GNPAT: variants seen among roughly 807,000 people sequenced by gnomAD.
GNPAT encodes glyceronephosphate O-acyltransferase, also known as dihydroxyacetone phosphate acyltransferase.
Under a neutral mutation model 78.4 loss-of-function variants are expected in GNPAT, and 30 were observed. The ratio of observed to expected loss-of-function variants is 0.38; its 90% CI spans 0.29 to 0.52. The LOEUF (loss-of-function observed/expected upper bound fraction) is 0.52, where lower values mean the gene tolerates loss of function less well. GNPAT is among the 20% of genes least tolerant of loss of function. GNPAT has a pLI of 0.84. For synonymous variants in GNPAT, 271 were observed against 281.1 expected (o/e 0.96, Z 0.36); for missense variants, 714 against 812.2 (o/e 0.88, Z 1.47).
At chr1:231,272,470 C>T in intron 11 of GNPAT, 79 bp downstream of exon 11, 1 of 810,642 alleles carries the variant, frequency 1.2e-6, no homozygotes, top group Non-Finnish European at 2.2e-6. Context: ...ACAGATGTGT[C>T]TCAGGCAGTG....
Position 231,277,538 on chromosome 1 carries a change from T to C in GNPAT, c.2039T>C (p.Leu680Pro). The change falls in exon 16 of 16, where the codon CTT becomes CCT. Residue 680 changes from leucine to proline, a missense_variant. By Grantham distance (98) the Leu-to-Pro change is moderately conservative. Transcript: ENST00000366647. ...ATAGGAAAACCAGCCACTGCAAAACTTTAATAATCAACAAATAGTTATGGA... is the reference window on the plus strand; with the variant it reads ...ATAGGAAAACCAGCCACTGCAAAACCTTAATAATCAACAAATAGTTATGGA... ...TPIGKPATAK[L>P] is the part of the protein sequence containing the mutation. The C allele has an allele frequency of 6.4e-7, 1 of 1,568,990 alleles. No individual in the cohort carries two copies. Among genetic ancestry groups the C allele is most frequent in the Middle Eastern group, 1.7e-4 (1 of 5,990 alleles).
chr1:231,277,425 G>A (rs1024256316), intron 15 of GNPAT, 74 bp from the exon 16 acceptor site: 47 of 888,352 alleles, frequency 5.3e-5, no homozygotes, highest in Middle Eastern at 2.9e-4. Context: ...CTGGACAGTC[G>A]CCCAAGGAAC....
intron 9 of GNPAT, among the ~76,000 whole-genome samples, chr1:231,269,571 A>C (rs1685495990): frequency 6.6e-6 from 1 of 152,158 alleles, no homozygotes; most frequent in Non-Finnish European, 1.5e-5. Flanking sequence ...GCCAGTCACC[A>C]AGAGAGAGAC....
intron 1 of GNPAT, among the ~76,000 whole-genome samples, chr1:231,245,066 A>T (rs375528777): frequency 2.0e-5 from 3 of 152,144 alleles, no homozygotes; most frequent in Non-Finnish European, 4.4e-5. Context: ...GTGGCATGCT[A>T]TGTTTTCTCA....
chr1:231,274,886 A>G (rs757086074), intron 12 of GNPAT: 45 of 306,866 alleles, frequency 1.5e-4, no homozygotes, highest in Non-Finnish European at 2.6e-4. Flanking sequence ...TAGAGAAAAA[A>G]AGCAAAGTTA....
At position 231,254,748 on chromosome 1, in the gene GNPAT, G is replaced by A. The variant is rs181797624; in HGVS notation, c.261+3605G>A. The stretch of plus-strand genomic sequence containing the variant: ...TAGGCGTGAGCCATTGCGTCCGGCC[G>A]AAAAAAATTTTTTTTTTTTTTTGCG... On this transcript the variant is annotated intron_variant, in intron 2 of 15. Transcript: ENST00000366647. 2.5e-3 allele frequency among the ~76,000 whole-genome samples: 377 copies of A among 149,898 alleles called. 1 individual carries two copies. The highest frequency in any genetic ancestry group is 8.0e-3 in the African/African-American group (326 of 40,856).
chr1:231,273,353 T>G (rs2102826131), intron 11 of GNPAT, among the ~76,000 whole-genome samples: 1 of 147,710 alleles, frequency 6.8e-6, no homozygotes, highest in Non-Finnish European at 1.5e-5. Context: ...CCGGGTTCAC[T>G]CCATTCTCCT....
At position 231,275,408 on chromosome 1, in the gene GNPAT, C is replaced by T; in HGVS notation, c.1847C>T (p.Thr616Ile). The stretch of plus-strand genomic sequence containing the variant: ...TCTTCCTCACCCCCAATTTTAGGTA[C>T]CTCTCAATGTTATGATGTATTATCT... ...KFTSQLLDQG[T>I]SQCYDVLSSD... Residue 616 changes from threonine to isoleucine, a missense_variant, in exon 14 of 16, where the codon ACC (threonine) becomes ATC (isoleucine). By Grantham distance (89) the Thr-to-Ile change is moderately conservative. Transcript: ENST00000366647. 2 of 1,605,544 alleles carry T rather than the reference C, an allele frequency of 1.2e-6. No homozygotes were observed. The highest frequency in any genetic ancestry group is 1.7e-6 in the Non-Finnish European group (2 of 1,172,226).
intron 4 of GNPAT, among the ~76,000 whole-genome samples, chr1:231,263,825 G>T (rs932541782): frequency 2.0e-5 from 3 of 152,064 alleles, no homozygotes; most frequent in Admixed American, 6.6e-5. Flanking sequence ...GTTTTGATTT[G>T]CATTTCCCTA....
rs1684880049 is a variant in GNPAT at position 231,250,974 on chromosome 1, A to G, written c.92A>G (p.Lys31Arg). Residue 31 changes from lysine (K) to arginine (R), a missense_variant, in exon 2 of 16, where the codon AAG (lysine) becomes AGG (arginine). Coordinates refer to ENST00000366647, the MANE Select transcript of GNPAT (RefSeq NM_014236.4). ...VVLLYSKELK[K>R]WDEFEDILEE... ...CCTTATCCACAGAAGGAGCTCAAAA[A>G]GTGGGATGAGTTTGAAGATATTTTA... The G allele has an allele frequency of 3.7e-6, 6 of 1,610,356 alleles. No homozygotes were observed. In the East Asian group the frequency reaches 6.7e-5, roughly 18 times the overall value.
rs1458718843 is a variant in GNPAT, at chr1:231,241,897, G to A, written c.78+441G>A. The stretch of plus-strand genomic sequence containing the variant: ...GCCCTATGCTGCTGTTATATTCCTG[G>A]GAGTAGAGCACTTGGCTTGTATGTG... On this transcript the variant is annotated intron_variant, in intron 1 of 15. Coordinates refer to ENST00000366647, the MANE Select transcript of GNPAT (RefSeq NM_014236.4). 1.4e-4 allele frequency among the ~76,000 whole-genome samples: 22 copies of A among 152,346 alleles called. 1 individual carries two copies. The highest frequency in any genetic ancestry group is 1.4e-3 in the Admixed American group (21 of 15,314).
chr1:231,255,699 T>C (rs1262852480), intron 2 of GNPAT, among the ~76,000 whole-genome samples: 1 of 152,098 alleles, frequency 6.6e-6, no homozygotes, highest in African/African-American at 2.4e-5. Flanking sequence ...CCTCCTAAAG[T>C]GCTGGGATTA....
At chr1:231,246,149 C>T (rs567454171) in intron 1 of GNPAT, among the ~76,000 whole-genome samples, 1 of 152,238 alleles carries the variant, frequency 6.6e-6, no homozygotes, top group East Asian at 1.9e-4. Context: ...CTGTGTGCTA[C>T]TGCTCATTTC....
At chr1:231,243,623 T>C (rs1228330141) in intron 1 of GNPAT, among the ~76,000 whole-genome samples, 3 of 152,146 alleles carry the variant, frequency 2.0e-5, no homozygotes, top group African/African-American at 7.2e-5. Flanking sequence ...TGGCATGAGC[T>C]GAGTTTTTGA....
At chr1:231,274,913 C>G (rs1390308596) in intron 12 of GNPAT, 1 of 320,970 alleles carries the variant, frequency 3.1e-6, no homozygotes, top group Non-Finnish European at 5.9e-6. Flanking sequence ...TCTGACCCCT[C>G]TCTTCCCAAG....
intron 1 of GNPAT, among the ~76,000 whole-genome samples, chr1:231,242,595 A>C (rs1056022548): frequency 2.0e-5 from 3 of 152,164 alleles, no homozygotes; most frequent in African/African-American, 7.2e-5. Context: ...GTGGATATCA[A>C]CTTTGTTTTC....
At chr1:231,251,651 G>A (rs760215279) in intron 2 of GNPAT, among the ~76,000 whole-genome samples, 3 of 152,138 alleles carry the variant, frequency 2.0e-5, no homozygotes, top group East Asian at 1.9e-4. Context: ...TCAGGGAAGG[G>A]AATATCAGTA....
At chr1:231,271,080 T>G (rs1460262591) in intron 10 of GNPAT, 80 bp downstream of exon 10, 3 of 1,485,984 alleles carry the variant, frequency 2.0e-6, no homozygotes, top group Non-Finnish European at 2.8e-6. Flanking sequence ...ATTTGAAGCC[T>G]TGTAATGTTC....
rs766629286 is a variant in GNPAT, at chr1:231,266,258, CCT to C, written c.925-18_925-17del. On this transcript the variant is annotated splice_polypyrimidine_tract_variant and intron_variant, in intron 7 of 15. Coordinates refer to ENST00000366647, the MANE Select transcript of GNPAT (RefSeq NM_014236.4). ...TTACTGCTTTTCGTTTTCTTCCCCC[CCT>C]GTTATGGTACTATTAGGGGTTGCTG... is the stretch of plus-strand genomic sequence containing the variant. 9 of 1,613,834 alleles carry C rather than the reference CCT, an allele frequency of 5.6e-6. No individual in the cohort carries two copies. Among genetic ancestry groups the C allele is most frequent in the South Asian group, 4.4e-5 (4 of 91,070 alleles).
Sources: gnomAD v4.1 joint callset for allele counts (sites outside exome capture counted in the v4.1 genomes callset) on GRCh38, gnomAD v4.1.1 for gene constraint, MANE v1.5 for transcripts, NCBI Gene and HGNC (gene_info 2026-07-23, HGNC 2026-07-21) for gene names.